Variants in FMN2 observed in about 807,000 individuals in gnomAD.
FMN2 encodes formin 2.
In FMN2, 51 loss-of-function variants were observed where a neutral mutation model predicts 142.3. That is an observed-to-expected ratio of 0.36 (90% confidence interval 0.29 to 0.45). The LOEUF (loss-of-function observed/expected upper bound fraction) is 0.45, where lower values mean the gene tolerates loss of function less well. Ranked by LOEUF, FMN2 falls within the 20% of genes least tolerant of loss-of-function variation. The pLI is 1.00. For missense variants in FMN2, 1,936 were observed against 2,122.8 expected, an observed-to-expected ratio of 0.91 and a Z score of 1.73; for synonymous variants, 882 against 869.8, an observed-to-expected ratio of 1.01 and a Z score of -0.25.
chr1:240,348,766 ACT>A (rs1672000220), intron 13 of FMN2, among the ~76,000 whole-genome samples: 1 of 152,022 alleles, frequency 6.6e-6, no homozygotes, highest in Non-Finnish European at 1.5e-5. Flanking sequence ...TCTGAATTTA[ACT>A]CTCGCTTTTG....
intron 7 of FMN2, among the ~76,000 whole-genome samples, chr1:240,281,773 A>G (rs1325772118): frequency 6.6e-6 from 1 of 152,090 alleles, no homozygotes; most frequent in Non-Finnish European, 1.5e-5. Context: ...TAATATCTCT[A>G]AGGTACTGTA....
intron 8 of FMN2, among the ~76,000 whole-genome samples, chr1:240,306,475 G>A (rs1006056238): frequency 6.6e-6 from 1 of 152,044 alleles, no homozygotes; most frequent in Non-Finnish European, 1.5e-5. Context: ...ATCTTTATGT[G>A]AACCCAAAAT....
intron 15 of FMN2, among the ~76,000 whole-genome samples, chr1:240,426,978 A>G (rs1195524625): frequency 6.7e-6 from 1 of 149,098 alleles, no homozygotes; most frequent in Admixed American, 6.6e-5. Flanking sequence ...ACCTCTGGTG[A>G]TCCACCCGCC....
At chr1:240,199,648 T>G (rs1666054024) in intron 4 of FMN2, among the ~76,000 whole-genome samples, 1 of 152,208 alleles carries the variant, frequency 6.6e-6, no homozygotes, top group Non-Finnish European at 1.5e-5. Flanking sequence ...TGGAGGAATT[T>G]TGGCTGACTT....
At chr1:240,339,553 A>T (rs1671678471) in intron 13 of FMN2, among the ~76,000 whole-genome samples, 1 of 152,066 alleles carries the variant, frequency 6.6e-6, no homozygotes, top group Non-Finnish European at 1.5e-5. Context: ...GAGGTAAAAT[A>T]TACATACAAA....
At chr1:240,396,673 T>C (rs147174928) in intron 15 of FMN2, among the ~76,000 whole-genome samples, 142 of 152,290 alleles carry the variant, frequency 9.3e-4, no homozygotes, top group African/African-American at 3.2e-3. Flanking sequence ...TGGTCAGTGT[T>C]TAGCTCCCAC....
At chr1:240,223,205 AT>A (rs1273781524) in intron 6 of FMN2, among the ~76,000 whole-genome samples, 1 of 152,142 alleles carries the variant, frequency 6.6e-6, no homozygotes, top group African/African-American at 2.4e-5. Flanking sequence ...GCGGTGCTGA[AT>A]TTTATTGAAG....
chr1:240,104,823 T>C (rs1661543044), intron 1 of FMN2, among the ~76,000 whole-genome samples: 1 of 152,118 alleles, frequency 6.6e-6, no homozygotes, highest in Non-Finnish European at 1.5e-5. Context: ...CCTTTTATTG[T>C]GTGTGAGTAA....
chr1:240,114,700 C>T (rs887102209), intron 1 of FMN2, among the ~76,000 whole-genome samples: 17 of 149,920 alleles, frequency 1.1e-4, no homozygotes, highest in African/African-American at 4.2e-4. Flanking sequence ...ACTCTGTCGC[C>T]AGACTGGAGT....
chr1:240,257,542 G>A lies in FMN2; in HGVS notation c.4066-403G>A, dbSNP rs180921990. Among the ~76,000 whole-genome samples the A allele has an allele frequency of 7.0e-4, 107 of 152,304 alleles. 1 individual carries two copies. Among genetic ancestry groups the A allele is most frequent in the Non-Finnish European group, 1.3e-3 (88 of 68,034 alleles). ...CGCTTCACTTGCTGACGTGTTTGAAGTTTCAGTGTGTCAAGGCTCCACATT... is the reference window on the plus strand; with the variant it reads ...CGCTTCACTTGCTGACGTGTTTGAAATTTCAGTGTGTCAAGGCTCCACATT... On this transcript the variant is annotated intron_variant, in intron 6 of 17. Transcript: ENST00000319653.
rs1210333721 is a variant in FMN2, at chr1:240,207,451, C to G, written c.2639C>G (p.Pro880Arg). The change falls in exon 5 of 18, where the codon CCT becomes CGT. Residue 880 changes from proline to arginine, a missense_variant. Around this residue, in one of 8 missense-constraint regions of FMN2, gnomAD observed 478 missense variants for 462.8 expected, o/e 1.03. Coordinates refer to ENST00000319653, the MANE Select transcript of FMN2 (RefSeq NM_020066.5). ...MPGLGMVPPP[P>R]PPLPGMTVPT... The stretch of plus-strand genomic sequence containing the variant: ...GGCCTGGGCATGGTGCCTCCCCCAC[C>G]TCCCCCTCTCCCTGGCATGACAGTG... The G allele has an allele frequency of 6.2e-7, 1 of 1,613,620 alleles. No individual in the cohort carries two copies. The highest frequency in any genetic ancestry group is 8.5e-7 in the Non-Finnish European group (1 of 1,179,786).
chr1:240,336,679 A>C (rs367915420), intron 13 of FMN2, among the ~76,000 whole-genome samples: 2 of 151,904 alleles, frequency 1.3e-5, no homozygotes, highest in African/African-American at 4.8e-5. Flanking sequence ...GAGAAATGCA[A>C]GGCTGGTGTA....
At chr1:240,415,060 A>C (rs1329927394) in intron 15 of FMN2, among the ~76,000 whole-genome samples, 1 of 152,204 alleles carries the variant, frequency 6.6e-6, no homozygotes, top group Admixed American at 6.5e-5. Flanking sequence ...TTGACCACAA[A>C]GCATCCTATT....
rs887112587 is a variant in FMN2 at position 240,170,316 on chromosome 1, C to T, written c.1783-7605C>T. 9 of 1,087,146 alleles carry T rather than the reference C, an allele frequency of 8.3e-6. No individual in the cohort carries two copies. In the African/African-American group the frequency reaches 1.4e-4, roughly 17 times the overall value. The allele number at this position is 1,087,146 out of a possible 1,614,324, so 67.3% of individuals were successfully genotyped here. A position where few individuals can be genotyped will look rare whatever the true frequency, so the allele number is the denominator to read the frequency against. ...CCACTGCAGTTTGCCATACCAATGCCTATACCCTGAGCAGAGCTGATCCTG... is the reference window on the plus strand; with the variant it reads ...CCACTGCAGTTTGCCATACCAATGCTTATACCCTGAGCAGAGCTGATCCTG... On this transcript the variant is annotated intron_variant, in intron 2 of 17. Coordinates refer to ENST00000319653, the MANE Select transcript of FMN2 (RefSeq NM_020066.5).
rs1348781832 is a variant in FMN2 at position 240,092,409 on chromosome 1, C to T, written c.300C>T (p.Ser100=). The T allele has an allele frequency of 3.7e-6, 6 of 1,612,620 alleles. No individual in the cohort carries two copies. Among genetic ancestry groups the T allele is most frequent in the Non-Finnish European group, 5.1e-6 (6 of 1,179,634 alleles). The part of the protein sequence containing the change: ...AGGSREDVLD[S]QALQTGELDS... Reference sequence around the variant, plus strand: ...GCTCCCGCGAAGATGTACTGGATTCCCAGGCCCTGCAGACCGGGGAGCTGG... The same window carrying T: ...GCTCCCGCGAAGATGTACTGGATTCTCAGGCCCTGCAGACCGGGGAGCTGG... Residue 100 remains serine, a synonymous_variant, in exon 1 of 18, where the codon TCC becomes TCT. Transcript: ENST00000319653.
chr1:240,335,181 G>T (rs756095444), intron 13 of FMN2, among the ~76,000 whole-genome samples: 2 of 152,014 alleles, frequency 1.3e-5, no homozygotes, highest in African/African-American at 4.8e-5. Flanking sequence ...CATTTATTAC[G>T]GACCTGGTTC....
intron 6 of FMN2, among the ~76,000 whole-genome samples, chr1:240,213,555 T>C (rs115790994): frequency 2.3e-3 from 358 of 152,352 alleles, no homozygotes; most frequent in African/African-American, 8.2e-3. Flanking sequence ...TTAAGGAAAG[T>C]GTATTTTCAG....
rs1463766241 is a variant in FMN2, at chr1:240,093,487, G to T, written c.1378G>T (p.Ala460Ser). ...SLSRGSRTAL[A>S]SVAAPAKKHR... Reference sequence around the variant, plus strand: ...GAGCCGAGGGTCCAGAACTGCCCTGGCCTCCGTAGCCGCCCCGGCCAAGAA... The same window carrying T: ...GAGCCGAGGGTCCAGAACTGCCCTGTCCTCCGTAGCCGCCCCGGCCAAGAA... Residue 460 changes from alanine to serine, a missense_variant, in exon 1 of 18, where the codon GCC (alanine) becomes TCC (serine). By Grantham distance (99) the Ala-to-Ser change is moderately conservative. Coordinates refer to ENST00000319653, the MANE Select transcript of FMN2 (RefSeq NM_020066.5). The T allele has an allele frequency of 6.2e-7, 1 of 1,602,138 alleles. No homozygotes were observed. Among genetic ancestry groups the T allele is most frequent in the South Asian group, 1.1e-5 (1 of 89,848 alleles).
intron 15 of FMN2, among the ~76,000 whole-genome samples, chr1:240,423,352 A>G (rs574076603): frequency 2.6e-5 from 4 of 152,198 alleles, no homozygotes; most frequent in Non-Finnish European, 5.9e-5. Flanking sequence ...CTTCCTCTTG[A>G]GATTTTAGTT....
Sources: allele counts gnomAD v4.1 joint callset (sites outside exome capture counted in the v4.1 genomes callset), GRCh38; gene constraint gnomAD v4.1.1; regional missense constraint gnomAD v4.1.1; transcripts MANE v1.5; gene names NCBI Gene and HGNC (gene_info 2026-07-23, HGNC 2026-07-21).